ACOT11: variants seen among roughly 807,000 people sequenced by gnomAD.
ACOT11 encodes acyl-coenzyme A thioesterase 11.
A neutral mutation model predicts 77.5 loss-of-function variants in ACOT11; 69 were observed. The observed-to-expected ratio is 0.89, with a 90% CI of 0.73 to 1.09. The LOEUF (loss-of-function observed/expected upper bound fraction) is 1.09. ACOT11 is among the 50% of genes least tolerant of loss of function. The probability of loss-of-function intolerance (pLI) is 0.00; values close to 1 mark genes in which losing one functional copy is unlikely to be tolerated. For missense variants in ACOT11, 766 were observed against 813.7 expected (o/e 0.94, Z 0.71); for synonymous variants, 279 against 313.0 (o/e 0.89, Z 1.15).
In ACOT11 at chr1:54,610,170, G is replaced by T; in HGVS notation, c.*1058G>T. The T allele has an allele frequency of 7.0e-7, 1 of 1,433,032 alleles. No individual in the cohort carries two copies. The highest frequency in any genetic ancestry group is 9.1e-7 in the Non-Finnish European group (1 of 1,099,300). The allele number at this position is 1,433,032 out of a possible 1,614,324, so 88.8% of individuals were successfully genotyped here. A position where few individuals can be genotyped will look rare whatever the true frequency, so the allele number is the denominator to read the frequency against. ...GGCCTTTACCCATGACTCAGCCTGG[G>T]GGCTGGTGCCGGCCTTGCCTGCAGC... On this transcript the variant is annotated 3_prime_UTR_variant, in exon 16 of 16. Coordinates refer to ENST00000343744, the MANE Select transcript of ACOT11 (RefSeq NM_147161.4).
At chr1:54,615,507 G>A (rs1294776676) in intron 15 of ACOT11, among the ~76,000 whole-genome samples, 2 of 152,264 alleles carry the variant, frequency 1.3e-5, no homozygotes, top group East Asian at 3.9e-4. Flanking sequence ...CTGAATTTGG[G>A]GCAGGAAGCC....
chr1:54,595,323 G>A (rs1654860771), intron 6 of ACOT11, among the ~76,000 whole-genome samples: 2 of 152,136 alleles, frequency 1.3e-5, no homozygotes, highest in Admixed American at 6.5e-5. Flanking sequence ...TCCAGCCTAG[G>A]CAAAAAGAGT....
At chr1:54,629,998 C>T (rs1644291104) in intron 15 of ACOT11, among the ~76,000 whole-genome samples, 1 of 134,280 alleles carries the variant, frequency 7.4e-6, no homozygotes, top group African/African-American at 2.5e-5. Context: ...CTCCCGGGTT[C>T]ACGCCATTCT....
At chr1:54,568,717 C>T (rs952228919) in intron 1 of ACOT11, among the ~76,000 whole-genome samples, 1 of 152,016 alleles carries the variant, frequency 6.6e-6, no homozygotes. Flanking sequence ...GTGGACTGAA[C>T]TTCATGGGAG....
intron 3 of ACOT11, among the ~76,000 whole-genome samples, chr1:54,587,307 G>T (rs1436449807): frequency 6.6e-6 from 1 of 152,048 alleles, no homozygotes; most frequent in East Asian, 2.0e-4. Flanking sequence ...GAGGTCAGGA[G>T]TTCAAGACCA....
intron 15 of ACOT11, among the ~76,000 whole-genome samples, chr1:54,620,491 A>AGAT (rs1644219164): frequency 6.6e-6 from 1 of 152,102 alleles, no homozygotes; most frequent in South Asian, 2.1e-4. Flanking sequence ...GGATCACCTG[A>AGAT]GATTAGGAGT....
chr1:54,575,955 T>C (rs1199222839), intron 1 of ACOT11, among the ~76,000 whole-genome samples: 1 of 152,092 alleles, frequency 6.6e-6, no homozygotes, highest in African/African-American at 2.4e-5. Context: ...GTGTGTGCAG[T>C]AATGGAGCAA....
chr1:54,592,839 T>G (rs948581021), intron 4 of ACOT11, among the ~76,000 whole-genome samples: 5 of 152,182 alleles, frequency 3.3e-5, no homozygotes, highest in Non-Finnish European at 5.9e-5. Flanking sequence ...TTGCCCCAGG[T>G]CACTGAGCTA....
intron 1 of ACOT11, among the ~76,000 whole-genome samples, chr1:54,581,110 G>A (rs1654289799): frequency 6.6e-6 from 1 of 152,202 alleles, no homozygotes; most frequent in African/African-American, 2.4e-5. Flanking sequence ...AAGGGGCAGA[G>A]CAAAGTCCCA....
At chr1:54,555,497 G>A (rs1394750896) in intron 1 of ACOT11, among the ~76,000 whole-genome samples, 1 of 151,882 alleles carries the variant, frequency 6.6e-6, no homozygotes, top group African/African-American at 2.4e-5. Flanking sequence ...CAGATATATA[G>A]TTTGTAAATA....
chr1:54,623,397 G>T lies in ACOT11; in HGVS notation c.1630-7337G>T. 3 of 1,611,880 alleles carry T rather than the reference G, an allele frequency of 1.9e-6. No homozygotes were observed. In the South Asian group the frequency reaches 3.3e-5, roughly 18 times the overall value. On this transcript the variant is annotated intron_variant, in intron 15 of 16. Transcript: ENST00000371316. ...TGATAACTGCTCCCTGCAGACCATG[G>T]CGACGCTCTCTGGGGAATGCCCCCA... is the stretch of plus-strand genomic sequence containing the variant.
chr1:54,562,882 ATGGG>A (rs1313029908), intron 1 of ACOT11, among the ~76,000 whole-genome samples: 3 of 128,576 alleles, frequency 2.3e-5, no homozygotes, highest in South Asian at 2.9e-4. Context: ...CACTTCCTAG[ATGGG>A]ATGGCGGCCG....
intron 13 of ACOT11, among the ~76,000 whole-genome samples, chr1:54,606,862 A>G (rs1644032057): frequency 6.6e-6 from 1 of 152,230 alleles, no homozygotes; most frequent in Admixed American, 6.5e-5. Flanking sequence ...ACATGTGTGC[A>G]TGTATGTGCA....
In ACOT11 at chr1:54,609,967, T is replaced by G; in HGVS notation, c.*855T>G. 1 of 1,587,710 alleles carries G rather than the reference T, an allele frequency of 6.3e-7. No individual in the cohort carries two copies. The highest frequency in any genetic ancestry group is 8.5e-7 in the Non-Finnish European group (1 of 1,172,242). ...CTGGAAGAGGCGGCAGAGGCAACAG[T>G]GTTTAGGATTTGGGTTATCATAAGG... On this transcript the variant is annotated 3_prime_UTR_variant, in exon 16 of 16. Transcript: ENST00000343744.
At chr1:54,583,788 G>A (rs1263867307) in intron 1 of ACOT11, among the ~76,000 whole-genome samples, 9 of 152,192 alleles carry the variant, frequency 5.9e-5, no homozygotes, top group Admixed American at 5.9e-4. Flanking sequence ...CACACAATTG[G>A]CATTGGCCAT....
chr1:54,619,819 C>T (rs770752692), intron 15 of ACOT11: 3 of 1,601,572 alleles, frequency 1.9e-6, no homozygotes, highest in South Asian at 1.1e-5. Flanking sequence ...TCTGTCTTCT[C>T]TATCCCTTGC....
At chr1:54,617,709 A>ATTTGTTTT (rs1644187580) in intron 15 of ACOT11, among the ~76,000 whole-genome samples, 1 of 55,740 alleles carries the variant, frequency 1.8e-5, no homozygotes, top group Non-Finnish European at 3.0e-5. Context: ...AGGGCCTGAG[A>ATTTGTTTT]TTTTTTTTTT....
chr1:54,620,375 C>T (rs956763210), intron 15 of ACOT11, among the ~76,000 whole-genome samples: 1 of 152,172 alleles, frequency 6.6e-6, no homozygotes, highest in Non-Finnish European at 1.5e-5. Context: ...AGCCATTGGC[C>T]TGGTAGAGAT....
chr1:54,561,744 C>T (rs1262132584), intron 1 of ACOT11, among the ~76,000 whole-genome samples: 12 of 111,394 alleles, frequency 1.1e-4, no homozygotes, highest in East Asian at 5.3e-4. Flanking sequence ...TGACCCCCCC[C>T]ACCTCCCTCC....
Sources: allele counts gnomAD v4.1 joint callset (sites outside exome capture counted in the v4.1 genomes callset), GRCh38; gene constraint gnomAD v4.1.1; transcripts MANE v1.5; gene names NCBI Gene and HGNC (gene_info 2026-07-23, HGNC 2026-07-21).